Variants in EVC2 observed in about 807,000 individuals in gnomAD.
EVC2 encodes the protein EvC ciliary complex subunit 2.
In EVC2, 148 loss-of-function variants were observed where a neutral mutation model predicts 149.3. That is an observed-to-expected ratio of 0.99 (90% confidence interval 0.87 to 1.14). The LOEUF is 1.14. EVC2 is among the 50% of genes most tolerant of loss of function. EVC2 has a pLI of 0.00. For missense variants in EVC2, 1,854 were observed against 1,627.3 expected, an observed-to-expected ratio of 1.14 and a Z score of -2.40; for synonymous variants, 776 against 649.9, an observed-to-expected ratio of 1.19 and a Z score of -2.95.
chr4:5,565,455 G>A (rs1457526414), intron 20 of EVC2, 96 bp from the exon 21 acceptor site: 2 of 1,115,326 alleles, frequency 1.8e-6, no homozygotes, highest in African/African-American at 1.5e-5. Context: ...CAGATCACCT[G>A]AGGTCAGGAG....
intron 16 of EVC2, among the ~76,000 whole-genome samples, chr4:5,605,160 T>C (rs1714284765): frequency 6.6e-6 from 1 of 152,252 alleles, no homozygotes; most frequent in Admixed American, 6.5e-5. Flanking sequence ...AAGGCTTCTG[T>C]CAACAGTAGG....
At chr4:5,665,462 G>A in intron 8 of EVC2, 53 bp downstream of exon 8, 2 of 1,612,784 alleles carry the variant, frequency 1.2e-6, no homozygotes, top group Non-Finnish European at 8.5e-7. Context: ...ACTGGGGGAT[G>A]AACTTCAACC....
intron 1 of EVC2, among the ~76,000 whole-genome samples, chr4:5,698,159 C>T (rs999308346): frequency 2.0e-5 from 3 of 152,112 alleles, no homozygotes; most frequent in Non-Finnish European, 4.4e-5. Context: ...AGAGAATCAG[C>T]GCCCTCATGA....
chr4:5,609,433 A>T (rs1714651469), intron 16 of EVC2, among the ~76,000 whole-genome samples: 1 of 152,218 alleles, frequency 6.6e-6, no homozygotes, highest in African/African-American at 2.4e-5. Flanking sequence ...TGTCAACTCA[A>T]GAGTGTCTAT....
At chr4:5,600,679 T>C (rs549637665) in intron 16 of EVC2, among the ~76,000 whole-genome samples, 1 of 152,196 alleles carries the variant, frequency 6.6e-6, no homozygotes, top group African/African-American at 2.4e-5. Flanking sequence ...GCAACATAAT[T>C]TAAACTGCAG....
chr4:5,581,642 T>C (rs113684558), intron 17 of EVC2, among the ~76,000 whole-genome samples: 78 of 152,344 alleles, frequency 5.1e-4, no homozygotes, highest in African/African-American at 1.8e-3. Context: ...AGAAATGACC[T>C]GAAACTGGAC....
intron 1 of EVC2, among the ~76,000 whole-genome samples, chr4:5,706,369 C>CTAGATAGATACATAGATACATAGATAG (rs1722158687): frequency 1.3e-3 from 10 of 7,556 alleles, no homozygotes; most frequent in Non-Finnish European, 2.3e-3. Flanking sequence ...TAGATAGATA[C>CTAGATAGATACATAGATACATAGATAG]ATAGATAGAT....
chr4:5,578,335 C>T (rs901807005), intron 17 of EVC2, among the ~76,000 whole-genome samples: 5 of 152,150 alleles, frequency 3.3e-5, no homozygotes, highest in Non-Finnish European at 7.4e-5. Flanking sequence ...CTGGCATTTA[C>T]TGAATGCCAA....
At position 5,696,005 on chromosome 4, in the gene EVC2, G is replaced by C. The variant is rs1037678041; in HGVS notation, c.284-1504C>G. Among the ~76,000 whole-genome samples, 1 of 152,168 alleles carries C rather than the reference G, an allele frequency of 6.6e-6. No individual in the cohort carries two copies. Among genetic ancestry groups the C allele is most frequent in the Non-Finnish European group, 1.5e-5 (1 of 68,026 alleles). On this transcript the variant is annotated intron_variant, in intron 2 of 21. Transcript: ENST00000344408. The surrounding 1 kb of genome is among the most constrained non-coding windows in gnomAD (Gnocchi z 4.1). ...TTGGGATGGGATAAGGGCTCCAATT[G>C]CATCAAGCATCGGGGAACTGATGGC...
At chr4:5,597,309 A>G (rs1267144017) in intron 16 of EVC2, among the ~76,000 whole-genome samples, 4 of 152,226 alleles carry the variant, frequency 2.6e-5, no homozygotes, top group Non-Finnish European at 4.4e-5. Context: ...ATTGATGCAA[A>G]AATCCTCAGT....
At position 5,584,752 on chromosome 4, in the gene EVC2, G is replaced by A; in HGVS notation, c.2928C>T (p.Ser976=). The change falls in exon 17 of 22, where the codon TCC becomes TCT. Residue 976 remains serine (S), a synonymous_variant. Transcript: ENST00000344408. ...SLVALQFQKA[S]RVTETLSAYT... is the part of the protein sequence containing the mutation. ...AGGCCGACAGAGTCTCGGTCACCCG[G>A]GACGCCTTCTGGAACTGCAGAGCAA... 6.2e-7 allele frequency: 1 copy of A among 1,614,124 alleles called. No homozygotes were observed. The highest frequency in any genetic ancestry group is 8.5e-7 in the Non-Finnish European group (1 of 1,180,036).
rs116753583 is a variant in EVC2, at chr4:5,622,117, G to C, written c.2501+420C>G. On this transcript the variant is annotated intron_variant, in intron 14 of 21. Transcript: ENST00000344408. The surrounding 1 kb of genome is among the most constrained non-coding windows in gnomAD (Gnocchi z 5.8). The stretch of plus-strand genomic sequence containing the variant: ...TAGCAGGGCCTGGAATGGCCTAACC[G>C]CAAGCTCCCCTTCCCCCTCTGCTCC... 2.6e-3 allele frequency among the ~76,000 whole-genome samples: 398 copies of C among 152,142 alleles called. 1 individual carries two copies. Among genetic ancestry groups the C allele is most frequent in the African/African-American group, 9.1e-3 (377 of 41,534 alleles).
chr4:5,548,507 T>C lies in EVC2; in HGVS notation c.3420-5295A>G, dbSNP rs1006748256. On this transcript the variant is annotated intron_variant and NMD_transcript_variant, in intron 21 of 22. Coordinates refer to the EVC2 transcript ENST00000475313. ...CACATGTGAGGAAATTAAACACATA[T>C]TTTATTTAAATCACTACTATTTACA... Among the ~76,000 whole-genome samples, 9 of 151,810 alleles carry C rather than the reference T, an allele frequency of 5.9e-5. No homozygotes were observed. The East Asian group carries it at 1.8e-3, about 30-fold the overall frequency.
intron 1 of EVC2, 170 bp downstream of exon 1, chr4:5,708,116 C>T (rs1722334266): frequency 1.1e-5 from 6 of 536,860 alleles, no homozygotes; most frequent in Non-Finnish European, 1.5e-5. Context: ...TCCCTCGAAG[C>T]TTTCTGGCCG....
At chr4:5,570,265 C>A (rs16837471) in intron 19 of EVC2, among the ~76,000 whole-genome samples, 81 of 152,246 alleles carry the variant, frequency 5.3e-4, no homozygotes, top group African/African-American at 1.7e-3. Context: ...ACTTCATAAA[C>A]ACCCTGCAGA....
At position 5,657,027 on chromosome 4, in the gene EVC2, C is replaced by T. The variant is rs73798104; in HGVS notation, c.1145+6080G>A. 0.038 allele frequency among the ~76,000 whole-genome samples: 5,759 copies of T among 152,166 alleles called. 386 individuals carry two copies. Among genetic ancestry groups the T allele is most frequent in the African/African-American group, 0.13 (5,471 of 41,486 alleles). On this transcript the variant is annotated intron_variant, in intron 9 of 21. Transcript: ENST00000344408. This position sits in a 1 kb window ranked among gnomAD's most constrained non-coding sequence, Gnocchi z 4.7. Reference sequence around the variant, plus strand: ...CTGGGACTCAACGCTAGCAGTCAGGCCTGGGTTTTAACCACTGGGCTCTAT... The same window carrying T: ...CTGGGACTCAACGCTAGCAGTCAGGTCTGGGTTTTAACCACTGGGCTCTAT...
chr4:5,556,956 G>A (rs1010430589), intron 21 of EVC2, among the ~76,000 whole-genome samples: 1 of 152,034 alleles, frequency 6.6e-6, no homozygotes, highest in African/African-American at 2.4e-5. Context: ...AGAAAAGAAA[G>A]CCCCAGACTC....
downstream of EVC2, among the ~76,000 whole-genome samples, chr4:5,559,012 G>A (rs141111517): frequency 5.0e-3 from 758 of 152,160 alleles, 10 homozygotes; most frequent in African/African-American, 0.017. This position sits in a 1 kb window ranked among gnomAD's most constrained non-coding sequence, Gnocchi z 5.0. Context: ...GGACAACATA[G>A]TGGGAACCCA....
At chr4:5,568,178 T>C (rs946359646) in intron 20 of EVC2, among the ~76,000 whole-genome samples, 4 of 152,152 alleles carry the variant, frequency 2.6e-5, no homozygotes, top group African/African-American at 9.7e-5. Context: ...TAGCAGTCAT[T>C]TTTCTAGGTC....
Sources: gnomAD v4.1 joint callset for allele counts (sites outside exome capture counted in the v4.1 genomes callset) on GRCh38, gnomAD v4.1.1 for gene constraint, Gnocchi (gnomAD v3.1) non-coding constraint, MANE v1.5 for transcripts, NCBI Gene and HGNC (gene_info 2026-07-23, HGNC 2026-07-21) for gene names.